The following KIF25 variants were observed in gnomAD, a reference collection of about 807,000 sequenced individuals.
KIF25 encodes kinesin-like protein KIF25.
KIF25 carries 19 observed loss-of-function variants against 32.9 expected under a neutral mutation model. That is an observed-to-expected ratio of 0.58 (90% CI 0.40 to 0.85). KIF25 has a LOEUF of 0.85. Among genes scored for constraint, KIF25 ranks in the 40% least tolerant of loss-of-function variants. The probability of loss-of-function intolerance (pLI) is 0.00; values close to 1 mark genes in which losing one functional copy is unlikely to be tolerated. For synonymous variants in KIF25, 225 were observed against 213.7 expected, an observed-to-expected ratio of 1.05 and a Z score of -0.46; for missense variants, 485 against 507.0, an observed-to-expected ratio of 0.96 and a Z score of 0.42.
intron 5 of KIF25, among the ~76,000 whole-genome samples, chr6:168,025,312 C>G (rs931078422): frequency 5.9e-5 from 9 of 152,142 alleles, no homozygotes; most frequent in African/African-American, 2.2e-4. Flanking sequence ...GCTGCTCCAA[C>G]TTCTCATTTC....
At chr6:168,010,515 A>C (rs2636358) in intron 4 of KIF25, among the ~76,000 whole-genome samples, 51,812 of 151,694 alleles carry the variant, frequency 0.34, 9,022 homozygotes, top group African/African-American at 0.4. Flanking sequence ...GATTGAAAAA[A>C]ATTGTTGAGG....
Position 168,044,739 on chromosome 6 carries a change from G to A in KIF25, c.986-88G>A, listed in dbSNP as rs757347745. ...GCGCCGGGCGGCCCTCTCTGCAGCC[G>A]CCCATCTCGGGCCCTGGTTGCTGGC... On this transcript the variant is annotated intron_variant, in intron 12 of 12. Transcript: ENST00000643607. 6.0e-5 allele frequency: 81 copies of A among 1,354,846 alleles called. No individual in the cohort carries two copies. In the Middle Eastern group the frequency reaches 1.3e-3, roughly 22 times the overall value. 83.9% of individuals were successfully genotyped at this position (1,354,846 alleles called of 1,614,324 possible).
chr6:168,013,706 G>A (rs1015823200), intron 4 of KIF25, among the ~76,000 whole-genome samples: 8 of 147,848 alleles, frequency 5.4e-5, no homozygotes, highest in Non-Finnish European at 1.0e-4. Context: ...GGGATCTGCT[G>A]CTTCCCTTTC....
chr6:168,005,976 G>A (rs1181136555), intron 4 of KIF25, among the ~76,000 whole-genome samples: 1 of 152,204 alleles, frequency 6.6e-6, no homozygotes, highest in East Asian at 1.9e-4. Flanking sequence ...AACATGCTTT[G>A]TTCCTGGCCC....
intron 4 of KIF25, among the ~76,000 whole-genome samples, chr6:168,004,448 G>T (rs1161709047): frequency 1.3e-5 from 2 of 152,162 alleles, no homozygotes; most frequent in African/African-American, 4.8e-5. Flanking sequence ...TTGGGTGCTA[G>T]AACATCAACT....
chr6:168,003,011 G>C (rs1798528629), intron 3 of KIF25, among the ~76,000 whole-genome samples: 1 of 152,228 alleles, frequency 6.6e-6, no homozygotes, highest in Non-Finnish European at 1.5e-5. Flanking sequence ...TGATGCCAGT[G>C]ATAGGGAGCG....
At chr6:168,023,874 T>A (rs1036331946) in intron 5 of KIF25, among the ~76,000 whole-genome samples, 6 of 152,262 alleles carry the variant, frequency 3.9e-5, no homozygotes, top group African/African-American at 1.2e-4. Flanking sequence ...GAATGTGTTT[T>A]ACTACTCAAG....
At position 168,040,150 on chromosome 6, in the gene KIF25, G is replaced by A. The variant is rs1467650613; in HGVS notation, c.580G>A (p.Asp194Asn). 1 of 1,613,954 alleles carries A rather than the reference G, an allele frequency of 6.2e-7. No homozygotes were observed. The highest frequency in any genetic ancestry group is 8.5e-7 in the Non-Finnish European group (1 of 1,180,040). Residue 194 changes from aspartate (D) to asparagine (N), a missense_variant, in exon 10 of 13, where the codon GAT (aspartate) becomes AAT (asparagine). Transcript: ENST00000643607. ...RAKHPTLVHA[D>N]SSRSHLIITV... ...GAAGCACCCCACCCTGGTGCACGCGGATTCCTCCAGGTCTCACCTGATAAT... is the reference window on the plus strand; with the variant it reads ...GAAGCACCCCACCCTGGTGCACGCGAATTCCTCCAGGTCTCACCTGATAAT...
Position 168,040,071 on chromosome 6 carries a change from C to G in KIF25, c.501C>G (p.Val167=). ...TEVALLASEA[V]GSASKLMELV... ...CTGCTTGCCTTGTCTGTAGGGCTGT[C>G]GGCAGCGCCTCGAAACTGATGGAGC... The change falls in exon 10 of 13, where the codon GTC becomes GTG. Residue 167 remains valine (V), a synonymous_variant. Coordinates refer to ENST00000643607, the MANE Select transcript of KIF25 (RefSeq NM_030615.4). 2 of 1,612,384 alleles carry G rather than the reference C, an allele frequency of 1.2e-6. No individual in the cohort carries two copies. The highest frequency in any genetic ancestry group is 1.7e-6 in the Non-Finnish European group (2 of 1,179,158).
At position 168,009,225 on chromosome 6, in the gene KIF25, T is replaced by C. The variant is rs540792784; in HGVS notation, c.-163+5522T>C. Among the ~76,000 whole-genome samples the C allele has an allele frequency of 4.4e-4, 67 of 150,854 alleles. 1 individual carries two copies. Among genetic ancestry groups the C allele is most frequent in the South Asian group, 1.5e-3 (7 of 4,710 alleles). Reference sequence around the variant, plus strand: ...TTTGTTATATATTGTCTTTATTATATTGAGGTTGTTTTTTTCTATACCTAA... The same window carrying C: ...TTTGTTATATATTGTCTTTATTATACTGAGGTTGTTTTTTTCTATACCTAA... On this transcript the variant is annotated intron_variant, in intron 4 of 12. Coordinates refer to ENST00000643607, the MANE Select transcript of KIF25 (RefSeq NM_030615.4).
intron 11 of KIF25, 27 bp downstream of exon 11, chr6:168,042,178 G>C: frequency 1.9e-6 from 3 of 1,542,318 alleles, no homozygotes; most frequent in Non-Finnish European, 1.8e-6. Flanking sequence ...ATTTCCCTGG[G>C]GGGTGGGTGC....
intron 11 of KIF25, 90 bp downstream of exon 11, chr6:168,042,241 A>G: frequency 7.5e-7 from 1 of 1,329,598 alleles, no homozygotes; most frequent in South Asian, 1.4e-5. Flanking sequence ...CAGCCCGGGA[A>G]GCTCTGGGCG....
intron 5 of KIF25, among the ~76,000 whole-genome samples, chr6:168,025,455 A>C (rs1032403049): frequency 6.6e-6 from 1 of 151,962 alleles, no homozygotes; most frequent in Non-Finnish European, 1.5e-5. Flanking sequence ...ATAAATGAGC[A>C]TTTCATTTAA....
chr6:168,006,774 G>GTTTGCA (rs1798585093), intron 4 of KIF25, among the ~76,000 whole-genome samples: 1 of 115,146 alleles, frequency 8.7e-6, no homozygotes, highest in Non-Finnish European at 2.0e-5. Context: ...TACCATATGC[G>GTTTGCA]GTTCTACAAG....
chr6:168,042,995 G>C (rs183498425), intron 12 of KIF25, among the ~76,000 whole-genome samples: 1 of 152,158 alleles, frequency 6.6e-6, no homozygotes, highest in Non-Finnish European at 1.5e-5. Context: ...CTTCACCAGG[G>C]GTCCGCCAGA....
intron 4 of KIF25, among the ~76,000 whole-genome samples, chr6:168,006,266 C>T (rs1798579001): frequency 6.6e-6 from 1 of 151,406 alleles, no homozygotes; most frequent in South Asian, 2.1e-4. Context: ...TAGTCTTGAA[C>T]TCCTGGCTTA....
intron 2 of KIF25, among the ~76,000 whole-genome samples, chr6:168,001,010 A>G (rs1203137417): frequency 6.6e-6 from 1 of 152,120 alleles, no homozygotes; most frequent in African/African-American, 2.4e-5. Flanking sequence ...AGTCATTGAA[A>G]CTTTTTCTTT....
At chr6:168,032,557 T>C (rs991140771) in intron 7 of KIF25, among the ~76,000 whole-genome samples, 6 of 152,222 alleles carry the variant, frequency 3.9e-5, no homozygotes, top group African/African-American at 1.4e-4. Flanking sequence ...TTCCAGGCTC[T>C]TGTGGCTGGA....
intron 4 of KIF25, among the ~76,000 whole-genome samples, chr6:168,007,412 A>T (rs1261136168): frequency 6.6e-6 from 1 of 152,186 alleles, no homozygotes; most frequent in Non-Finnish European, 1.5e-5. Flanking sequence ...ACTCCATCTC[A>T]AAACAAAAAC....
Sources: allele counts gnomAD v4.1 joint callset (sites outside exome capture counted in the v4.1 genomes callset), GRCh38; gene constraint gnomAD v4.1.1; transcripts MANE v1.5; gene names NCBI Gene and HGNC (gene_info 2026-07-23, HGNC 2026-07-21).